GRIN2D: variants seen among roughly 807,000 people sequenced by gnomAD.
The protein encoded by GRIN2D is glutamate ionotropic receptor NMDA type subunit 2D.
In GRIN2D, 37 loss-of-function variants were observed where a neutral mutation model predicts 103.2. The observed-to-expected ratio is 0.36, with a 90% CI of 0.28 to 0.47. The LOEUF is 0.47. GRIN2D is among the 20% of genes least tolerant of loss of function. GRIN2D has a pLI of 1.00. For missense variants in GRIN2D, 1,557 were observed against 1,910.6 expected (o/e 0.81, Z 3.45); for synonymous variants, 845 against 885.6 (o/e 0.95, Z 0.81).
chr19:48,434,070 T>G (rs1971195278), intron 11 of GRIN2D, among the ~76,000 whole-genome samples: 1 of 151,744 alleles, frequency 6.6e-6, no homozygotes, highest in African/African-American at 2.4e-5. Context: ...TGCCTCAGCT[T>G]CCCGAGTAGC....
Position 48,443,035 on chromosome 19 carries a change from G to C in GRIN2D, c.3109G>C (p.Ala1037Pro). 9 of 1,048,874 alleles carry C rather than the reference G, an allele frequency of 8.6e-6. No homozygotes were observed. Among genetic ancestry groups the C allele is most frequent in the Non-Finnish European group, 1.0e-5 (9 of 874,230 alleles). 65.0% of individuals were successfully genotyped at this position (1,048,874 alleles called of 1,614,324 possible). ...FPSPPAPPAA[A>P]ATAVGPPLCR... ...GTCGCCGCCCGCGCCCCCCGCCGCC[G>C]CGGCCACCGCCGTCGGGCCGCCACT... Residue 1037 changes from alanine to proline, a missense_variant, in exon 14 of 14, where the codon GCG becomes CCG. By Grantham distance (27) the Ala-to-Pro change is conservative. Coordinates refer to ENST00000263269, the MANE Select transcript of GRIN2D (RefSeq NM_000836.4). The surrounding 1 kb of genome is among the most constrained non-coding windows in gnomAD (Gnocchi z 8.9).
chr19:48,413,777 A>C (rs573542254), intron 4 of GRIN2D, among the ~76,000 whole-genome samples: 3 of 151,758 alleles, frequency 2.0e-5, no homozygotes, highest in Non-Finnish European at 4.4e-5. Context: ...GCTGAAAGAG[A>C]GTCTGGAACC....
chr19:48,426,476 T>C (rs1225299119), intron 11 of GRIN2D, among the ~76,000 whole-genome samples: 6 of 152,050 alleles, frequency 3.9e-5, no homozygotes, highest in Non-Finnish European at 7.4e-5. Context: ...TCCAACCGCC[T>C]TGGCCTCCAA....
In GRIN2D at chr19:48,398,396, C is replaced by A. The variant is rs982702259; in HGVS notation, c.4C>A (p.Arg2Ser). ...CGCCCGGCGGGGCCCGCAGGCGATG[C>A]GCGGCGCCGGTGGCCCCCGCGGCCC... is the stretch of plus-strand genomic sequence containing the variant. Reference protein sequence around the residue: MRGAGGPRGPRG... With the variant: MSGAGGPRGPRG... Residue 2 changes from arginine to serine, a missense_variant, in exon 3 of 14, where the codon CGC (arginine) becomes AGC (serine). Arg to Ser is a moderately radical substitution (Grantham distance 110). This residue lies in a region of GRIN2D where 490 missense variants were observed against 601.1 expected (regional missense o/e 0.82). Transcript: ENST00000263269. 5 of 1,118,926 alleles carry A rather than the reference C, an allele frequency of 4.5e-6. No individual in the cohort carries two copies. In the South Asian group the frequency reaches 1.3e-4, roughly 29 times the overall value. 69.3% of individuals were successfully genotyped at this position (1,118,926 alleles called of 1,614,324 possible).
chr19:48,397,050 T>C (rs903226694), intron 2 of GRIN2D, among the ~76,000 whole-genome samples: 3 of 152,032 alleles, frequency 2.0e-5, no homozygotes, highest in Non-Finnish European at 2.9e-5. Context: ...CTGTATTTCC[T>C]CTAATTTACC....
intron 4 of GRIN2D, among the ~76,000 whole-genome samples, chr19:48,406,346 A>G (rs79265166): frequency 0.012 from 1,765 of 152,306 alleles, 31 homozygotes; most frequent in African/African-American, 0.04. Flanking sequence ...ATTATTTTAG[A>G]AGAGGCGAAC....
intron 8 of GRIN2D, among the ~76,000 whole-genome samples, chr19:48,418,284 C>T (rs1970973011): frequency 1.3e-5 from 2 of 152,190 alleles, no homozygotes; most frequent in Middle Eastern, 3.4e-3. Context: ...CCTCCCACCT[C>T]GGCCTCCCAA....
chr19:48,415,055 G>A (rs1419608282), intron 7 of GRIN2D, 23 bp downstream of exon 7: 2 of 1,554,826 alleles, frequency 1.3e-6, no homozygotes, highest in East Asian at 2.3e-5. Context: ...ACGGGAGGCG[G>A]GGAATCTTCG....
Position 48,405,346 on chromosome 19 carries a change from C to T in GRIN2D, c.1078C>T (p.Leu360=). 2 of 1,580,056 alleles carry T rather than the reference C, an allele frequency of 1.3e-6. No individual in the cohort carries two copies. Among genetic ancestry groups the T allele is most frequent in the South Asian group, 2.3e-5 (2 of 87,056 alleles). The change falls in exon 4 of 14, where the codon CTG becomes TTG. Residue 360 remains leucine (L), a synonymous_variant. Coordinates refer to ENST00000263269, the MANE Select transcript of GRIN2D (RefSeq NM_000836.4). The surrounding 1 kb of genome is among the most constrained non-coding windows in gnomAD (Gnocchi z 5.1). The part of the protein sequence containing the change: ...AQNRTHRGES[L]HRYFMNITWD... ...GAACCGCACCCACCGCGGCGAGAGT[C>T]TGCATAGGTGAGTGGGGCTGGAATG... is the stretch of plus-strand genomic sequence containing the variant.
At chr19:48,404,131 T>G (rs1420799819) in intron 3 of GRIN2D, among the ~76,000 whole-genome samples, 4 of 151,800 alleles carry the variant, frequency 2.6e-5, no homozygotes, top group Non-Finnish European at 4.4e-5. Flanking sequence ...TCCCAGCTAC[T>G]CGGGAGGCTG....
chr19:48,435,592 A>C (rs1455295145), intron 11 of GRIN2D, among the ~76,000 whole-genome samples: 1 of 152,108 alleles, frequency 6.6e-6, no homozygotes, highest in Non-Finnish European at 1.5e-5. Flanking sequence ...TTACAGGCAC[A>C]TGCCACCACA....
At position 48,398,350 on chromosome 19, in the gene GRIN2D, C is replaced by T. The variant is rs1396984830; in HGVS notation, c.-26-17C>T. On this transcript the variant is annotated splice_polypyrimidine_tract_variant and intron_variant, in intron 2 of 13. Transcript: ENST00000263269. ...TGCCTCCCTCTCCTCCCCGTCTCTC[C>T]CGGCCCGGGCGCTCAGAGGCCGCCC... is the stretch of plus-strand genomic sequence containing the variant. The T allele has an allele frequency of 1.9e-6, 2 of 1,069,454 alleles. No individual in the cohort carries two copies. The highest frequency in any genetic ancestry group is 1.7e-5 in the African/African-American group (1 of 59,188). 66.2% of individuals were successfully genotyped at this position (1,069,454 alleles called of 1,614,324 possible).
chr19:48,439,578 A>G (rs1971268395), intron 11 of GRIN2D, among the ~76,000 whole-genome samples: 1 of 152,320 alleles, frequency 6.6e-6, no homozygotes, highest in South Asian at 2.1e-4. Context: ...GCCATAACAA[A>G]TGCATCCATG....
intron 10 of GRIN2D, among the ~76,000 whole-genome samples, chr19:48,420,386 C>G (rs1459934005): frequency 6.6e-6 from 1 of 151,660 alleles, no homozygotes; most frequent in Non-Finnish European, 1.5e-5. Flanking sequence ...CGAGATCGCC[C>G]CACTGCACTC....
chr19:48,442,817 A>G lies in GRIN2D; in HGVS notation c.2891A>G (p.Tyr964Cys). Residue 964 changes from tyrosine (Y) to cysteine (C), a missense_variant, in exon 14 of 14, where the codon TAC (tyrosine) becomes TGC (cysteine). Transcript: ENST00000263269. This position sits in a 1 kb window ranked among gnomAD's most constrained non-coding sequence, Gnocchi z 7.2. The part of the protein sequence containing the change: ...GAGLADGFHR[Y>C]YGPIEPQGLG... ...GGCCTGGCCGACGGCTTCCACCGCT[A>G]CTACGGCCCCATCGAGCCGCAGGGC... 9.3e-7 allele frequency: 1 copy of G among 1,075,068 alleles called. No individual in the cohort carries two copies. 66.6% of individuals were successfully genotyped at this position (1,075,068 alleles called of 1,614,324 possible).
intron 8 of GRIN2D, among the ~76,000 whole-genome samples, chr19:48,416,862 A>C (rs2147453381): frequency 6.6e-6 from 1 of 151,532 alleles, no homozygotes; most frequent in Non-Finnish European, 1.5e-5. Context: ...CTCCTGCCTC[A>C]GCCTGCCAAG....
At chr19:48,424,453 A>G (rs957080355) in intron 11 of GRIN2D, among the ~76,000 whole-genome samples, 4 of 150,318 alleles carry the variant, frequency 2.7e-5, no homozygotes, top group Admixed American at 6.6e-5. Context: ...TGTATTTTTA[A>G]TAGAGACGGG....
At chr19:48,432,214 TTTTC>T (rs571588500) in intron 11 of GRIN2D, among the ~76,000 whole-genome samples, 1,691 of 151,398 alleles carry the variant, frequency 0.011, 33 homozygotes, top group African/African-American at 0.039. Context: ...CCGGCCTTCT[TTTTC>T]TTTCTTTTTT....
chr19:48,443,077 G>C lies in GRIN2D; in HGVS notation c.3151G>C (p.Glu1051Gln). Residue 1051 changes from glutamate to glutamine, a missense_variant, in exon 14 of 14, where the codon GAG becomes CAG. This residue lies in a region of GRIN2D where 632 missense variants were observed against 572.8 expected (regional missense o/e 1.10). Coordinates refer to ENST00000263269, the MANE Select transcript of GRIN2D (RefSeq NM_000836.4). The surrounding 1 kb of genome is among the most constrained non-coding windows in gnomAD (Gnocchi z 8.9). ...VGPPLCRLAF[E>Q]DESPPAPARW... ...GCCGCCACTCTGCCGCTTGGCCTTC[G>C]AGGACGAGAGCCCGCCGGCGCCCGC... is the stretch of plus-strand genomic sequence containing the variant. The C allele has an allele frequency of 2.6e-5, 27 of 1,034,926 alleles. No homozygotes were observed. The highest frequency in any genetic ancestry group is 2.9e-5 in the Non-Finnish European group (25 of 860,578). The allele number at this position is 1,034,926 out of a possible 1,614,324, so 64.1% of individuals were successfully genotyped here.
Sources: allele counts gnomAD v4.1 joint callset (sites outside exome capture counted in the v4.1 genomes callset), GRCh38; gene constraint gnomAD v4.1.1; regional missense constraint gnomAD v4.1.1; non-coding constraint Gnocchi (gnomAD v3.1); transcripts MANE v1.5; gene names NCBI Gene and HGNC (gene_info 2026-07-23, HGNC 2026-07-21).